Variants in TRPV4 observed in about 807,000 individuals in gnomAD.
The protein encoded by TRPV4 is OSM9-like transient receptor potential channel 4.
Under a neutral mutation model 84.1 loss-of-function variants are expected in TRPV4, and 58 were observed. The ratio of observed to expected loss-of-function variants is 0.69; its 90% CI spans 0.56 to 0.86. The LOEUF (loss-of-function observed/expected upper bound fraction) is 0.86, where lower values mean the gene tolerates loss of function less well. Among genes scored for constraint, TRPV4 ranks in the 40% least tolerant of loss-of-function variants. TRPV4 has a pLI of 0.00. For missense variants in TRPV4, 879 were observed against 1,181.1 expected (o/e 0.74, Z 3.75); for synonymous variants, 489 against 500.9 (o/e 0.98, Z 0.32).
chr12:109,823,775 C>T (rs1233877731), intron 1 of TRPV4, among the ~76,000 whole-genome samples: 1 of 152,072 alleles, frequency 6.6e-6, no homozygotes, highest in Non-Finnish European at 1.5e-5. Context: ...CTGAATTGTA[C>T]GTTTTAAAAG....
At chr12:109,829,666 C>T (rs1892359567) in intron 1 of TRPV4, among the ~76,000 whole-genome samples, 1 of 152,178 alleles carries the variant, frequency 6.6e-6, no homozygotes, top group African/African-American at 2.4e-5. Flanking sequence ...CATCCACGTG[C>T]CTTGGGTCAT....
At position 109,783,714 on chromosome 12, in the gene TRPV4, C is replaced by T. The variant is rs757417031; in HGVS notation, c.2523G>A (p.Val841=). The change falls in exon 16 of 16, where the codon GTG becomes GTA. Residue 841 remains valine, a synonymous_variant. Transcript: ENST00000261740. This position sits in a 1 kb window ranked among gnomAD's most constrained non-coding sequence, Gnocchi z 4.6. The stretch of plus-strand genomic sequence containing the variant: ...TCCCCATGCTGTCCAGAGGCACCAC[C>T]ACCTCGTCCGGGTTCGAGTTCTTGT... ...ELNKNSNPDE[V]VVPLDSMGNP... is the part of the protein sequence containing the mutation. 8.1e-6 allele frequency: 13 copies of T among 1,613,688 alleles called. No homozygotes were observed. The highest frequency in any genetic ancestry group is 2.7e-5 in the African/African-American group (2 of 74,920).
At chr12:109,813,771 TG>T (rs1565882502) in intron 2 of TRPV4, among the ~76,000 whole-genome samples, 15 of 150,946 alleles carry the variant, frequency 9.9e-5, no homozygotes, top group Non-Finnish European at 1.5e-5. Flanking sequence ...TATGGATGGA[TG>T]GATAGATTAA....
At chr12:109,785,227 G>C (rs1316851507) in intron 14 of TRPV4, among the ~76,000 whole-genome samples, 1 of 151,974 alleles carries the variant, frequency 6.6e-6, no homozygotes, top group Non-Finnish European at 1.5e-5. Context: ...GTTTCACTAT[G>C]TTGGTCTTGA....
At position 109,802,981 on chromosome 12, in the gene TRPV4, G is replaced by A. The variant is rs115657305; in HGVS notation, c.712+10C>T. 743 of 1,613,216 alleles carry A rather than the reference G, an allele frequency of 4.6e-4. 4 individuals are homozygous for A. In the African/African-American group the frequency reaches 8.8e-3, roughly 19 times the overall value. ...CCCCCGTGGCACCCCTGCCCAGCCC[G>A]GGGCCCCACCTCGATAGTAGATGTC... On this transcript the variant is annotated intron_variant, in intron 4 of 15. Coordinates refer to ENST00000261740, the MANE Select transcript of TRPV4 (RefSeq NM_021625.5).
rs1490821068 is a variant in TRPV4, at chr12:109,796,539, T to G, written c.1318A>C (p.Asn440His). The G allele has an allele frequency of 6.2e-7, 1 of 1,613,990 alleles. No homozygotes were observed. Among genetic ancestry groups the G allele is most frequent in the Admixed American group, 1.7e-5 (1 of 60,006 alleles). The change falls in exon 7 of 16, where the codon AAC becomes CAC. Residue 440 changes from asparagine to histidine, a missense_variant. Physicochemically the swap from Asn to His is moderately conservative, Grantham distance 68 (BLOSUM62 1). Around this residue, in one of 4 missense-constraint regions of TRPV4, gnomAD observed 521 missense variants for 686.6 expected, o/e 0.76. Transcript: ENST00000261740. The surrounding 1 kb of genome is among the most constrained non-coding windows in gnomAD (Gnocchi z 4.2). ...EASVLEILVYNSKIENRHEML... is the reference protein window; with the variant it reads ...EASVLEILVYHSKIENRHEML... The stretch of plus-strand genomic sequence containing the variant: ...CTGGAGCCCACCTCAATCTTGCTGT[T>G]GTACACCAGGATCTCCAGCACGGAG...
In TRPV4 at chr12:109,786,793, G is replaced by A. The variant is rs758729541; in HGVS notation, c.2253C>T (p.Phe751=). The part of the protein sequence containing the change: ...ILDIERSFPV[F]LRKAFRSGEM... ...CCCCAGAGCGGAAGGCCTTCCTCAG[G>A]AATACGGGGAAGGAGCGCTCAATGT... The change falls in exon 14 of 16, where the codon TTC becomes TTT. Residue 751 remains phenylalanine (F), a synonymous_variant. Coordinates refer to ENST00000261740, the MANE Select transcript of TRPV4 (RefSeq NM_021625.5). The surrounding 1 kb of genome is among the most constrained non-coding windows in gnomAD (Gnocchi z 4.5). 3 of 1,614,036 alleles carry A rather than the reference G, an allele frequency of 1.9e-6. No homozygotes were observed. The South Asian group carries it at 3.3e-5, about 18-fold the overall frequency.
intron 1 of TRPV4, among the ~76,000 whole-genome samples, chr12:109,829,848 C>A (rs1162554205): frequency 1.3e-5 from 2 of 152,256 alleles, no homozygotes; most frequent in Non-Finnish European, 2.9e-5. Context: ...TGTTTTGAGA[C>A]AGGATCTCTT....
chr12:109,805,483 C>T lies in TRPV4; in HGVS notation c.560-2340G>A, dbSNP rs12305037. 5.0e-3 allele frequency among the ~76,000 whole-genome samples: 760 copies of T among 152,228 alleles called. 9 individuals are homozygous for T. Among genetic ancestry groups the T allele is most frequent in the African/African-American group, 0.017 (726 of 41,522 alleles). Reference sequence around the variant, plus strand: ...CCACCAGGTGGCGAAGTGGCTCTGCCCAGGGTGGGGTGCTGTAGCCAGGGG... The same window carrying T: ...CCACCAGGTGGCGAAGTGGCTCTGCTCAGGGTGGGGTGCTGTAGCCAGGGG... On this transcript the variant is annotated intron_variant, in intron 3 of 15. Coordinates refer to ENST00000261740, the MANE Select transcript of TRPV4 (RefSeq NM_021625.5).
intron 12 of TRPV4, 52 bp downstream of exon 12, chr12:109,792,311 T>G (rs1277148583): frequency 1.3e-6 from 2 of 1,512,368 alleles, no homozygotes; most frequent in African/African-American, 2.8e-5. Context: ...ATGGCTACTG[T>G]TCCCGTCCTT....
intron 4 of TRPV4, among the ~76,000 whole-genome samples, chr12:109,801,869 G>C (rs1473975772): frequency 1.3e-5 from 2 of 152,026 alleles, no homozygotes; most frequent in African/African-American, 4.8e-5. Flanking sequence ...CAGTACCTTG[G>C]CCTCCCAGAA....
intron 2 of TRPV4, among the ~76,000 whole-genome samples, chr12:109,809,623 A>C (rs1891395737): frequency 7.2e-6 from 1 of 139,692 alleles, no homozygotes; most frequent in Non-Finnish European, 1.5e-5. Context: ...TCACTCGTCT[A>C]TCCATCCATC....
intron 11 of TRPV4, 98 bp downstream of exon 11, chr12:109,792,554 C>A: frequency 6.3e-7 from 1 of 1,583,472 alleles, no homozygotes; most frequent in Non-Finnish European, 8.7e-7. Flanking sequence ...CCCACGGTAC[C>A]CAGCATCCTC....
At position 109,798,716 on chromosome 12, in the gene TRPV4, C is replaced by T. The variant is rs779237925; in HGVS notation, c.1050G>A (p.Leu350=). 3.1e-6 allele frequency: 5 copies of T among 1,614,066 alleles called. No homozygotes were observed. In the East Asian group the frequency reaches 1.1e-4, roughly 36 times the overall value. Residue 350 remains leucine (L), a synonymous_variant, in exon 6 of 16, where the codon CTG becomes CTA. Transcript: ENST00000261740. This position sits in a 1 kb window ranked among gnomAD's most constrained non-coding sequence, Gnocchi z 5.0. ...KFVTKMYDLL[L]LKCARLFPDS... Reference sequence around the variant, plus strand: ...CGGGGAAGAGGCGGGCACACTTGAGCAGCAGCAGGTCGTACATCTTGGTAA... The same window carrying T: ...CGGGGAAGAGGCGGGCACACTTGAGTAGCAGCAGGTCGTACATCTTGGTAA...
chr12:109,832,219 C>T (rs1348014909), intron 1 of TRPV4: 3 of 152,374 alleles, frequency 2.0e-5, no homozygotes, highest in African/African-American at 7.2e-5. Flanking sequence ...CAGGCCCGCT[C>T]TTAGCCCCGC....
At position 109,783,882 on chromosome 12, in the gene TRPV4, G is replaced by T. The variant is rs532280498; in HGVS notation, c.2459-104C>A. On this transcript the variant is annotated intron_variant, in intron 15 of 15. Transcript: ENST00000261740. This position sits in a 1 kb window ranked among gnomAD's most constrained non-coding sequence, Gnocchi z 4.6. The stretch of plus-strand genomic sequence containing the variant: ...CTGGGCACTCCACAGTGTTCTGAAG[G>T]GGGGATGTGACTATGCTCATTTTAC... The T allele has an allele frequency of 2.4e-5, 33 of 1,365,830 alleles. No individual in the cohort carries two copies. The highest frequency in any genetic ancestry group is 2.9e-5 in the Non-Finnish European group (29 of 988,464). 84.6% of individuals were successfully genotyped at this position (1,365,830 alleles called of 1,614,324 possible). A position where few individuals can be genotyped will look rare whatever the true frequency, so the allele number is the denominator to read the frequency against.
At chr12:109,789,415 G>A (rs959731661) in intron 12 of TRPV4, among the ~76,000 whole-genome samples, 1 of 152,080 alleles carries the variant, frequency 6.6e-6, no homozygotes, top group Admixed American at 6.6e-5. Flanking sequence ...CTATTCGCAG[G>A]GGTAGACTCT....
Position 109,796,675 on chromosome 12 carries a change from C to T in TRPV4, c.1182G>A (p.Val394=), listed in dbSNP as rs748959170. The change falls in exon 7 of 16, where the codon GTG becomes GTA. Residue 394 remains valine (V), a synonymous_variant. Transcript: ENST00000261740. This position sits in a 1 kb window ranked among gnomAD's most constrained non-coding sequence, Gnocchi z 4.2. ...GIFQHIIRRE[V]TDEDTRHLSR... Reference sequence around the variant, plus strand: ...ACAGGTGCCGTGTGTCCTCATCCGTCACCTCCCGCCGGATGATGTGCTGAA... The same window carrying T: ...ACAGGTGCCGTGTGTCCTCATCCGTTACCTCCCGCCGGATGATGTGCTGAA... 1 of 1,613,446 alleles carries T rather than the reference C, an allele frequency of 6.2e-7. No individual in the cohort carries two copies. The highest frequency in any genetic ancestry group is 1.1e-5 in the South Asian group (1 of 91,076).
At position 109,783,973 on chromosome 12, in the gene TRPV4, A is replaced by T. The variant is rs547926475; in HGVS notation, c.2459-195T>A. 2.0e-5 allele frequency among the ~76,000 whole-genome samples: 3 copies of T among 152,268 alleles called. No individual in the cohort carries two copies. The highest frequency in any genetic ancestry group is 2.0e-4 in the Admixed American group (3 of 15,300). On this transcript the variant is annotated intron_variant, in intron 15 of 15. Transcript: ENST00000261740. This position sits in a 1 kb window ranked among gnomAD's most constrained non-coding sequence, Gnocchi z 4.6. The stretch of plus-strand genomic sequence containing the variant: ...CCCAGGAGAGAATGGAGGAACCAGG[A>T]TTCAAGCCTGGAGCCGAATGCCCTG...
Sources: gnomAD v4.1 joint callset for allele counts (sites outside exome capture counted in the v4.1 genomes callset) on GRCh38, gnomAD v4.1.1 for gene constraint, gnomAD v4.1.1 regional missense constraint, Gnocchi (gnomAD v3.1) non-coding constraint, MANE v1.5 for transcripts, NCBI Gene and HGNC (gene_info 2026-07-23, HGNC 2026-07-21) for gene names.